TPD52L1: variants seen among roughly 807,000 people sequenced by gnomAD.
TPD52L1 encodes tumor protein D53.
A neutral mutation model predicts 28.7 loss-of-function variants in TPD52L1; 18 were observed. The ratio of observed to expected loss-of-function variants is 0.63; its 90% CI spans 0.43 to 0.93. The LOEUF (loss-of-function observed/expected upper bound fraction) is 0.93, where lower values mean the gene tolerates loss of function less well. TPD52L1 is among the 40% of genes least tolerant of loss of function. The pLI is 0.00. For missense variants in TPD52L1, 203 were observed against 254.8 expected (o/e 0.80, Z 1.39); for synonymous variants, 75 against 88.8 (o/e 0.84, Z 0.88).
intron 1 of TPD52L1, among the ~76,000 whole-genome samples, chr6:125,188,636 C>A (rs925319437): frequency 5.0e-4 from 76 of 152,150 alleles, no homozygotes; most frequent in African/African-American, 1.8e-3. Context: ...CCAAACAATT[C>A]CTACTCTCTT....
chr6:125,211,015 AC>A (rs1562291519), intron 1 of TPD52L1, among the ~76,000 whole-genome samples: 1 of 152,184 alleles, frequency 6.6e-6, no homozygotes, highest in Non-Finnish European at 1.5e-5. Flanking sequence ...ATTCTGCAGG[AC>A]AGAGCCAGGA....
At chr6:125,252,043 G>A (rs552334141) in intron 4 of TPD52L1, 16 of 1,536,018 alleles carry the variant, frequency 1.0e-5, no homozygotes, top group African/African-American at 9.6e-5. Context: ...TCGGGTAAGC[G>A]CCACAGGGCT....
At chr6:125,228,055 A>G (rs1369597804) in intron 2 of TPD52L1, among the ~76,000 whole-genome samples, 1 of 152,236 alleles carries the variant, frequency 6.6e-6, no homozygotes, top group Non-Finnish European at 1.5e-5. Flanking sequence ...ACCATTGATA[A>G]TGCAGCAACA....
chr6:125,262,860 T>C lies in TPD52L1; in HGVS notation c.513T>C (p.Asn171=), dbSNP rs573282938. ...CGAAAGTAGGCGGTACGAACCCTAA[T>C]GGAGGCAGTTTTGAGGAGGTCCTCA... is the stretch of plus-strand genomic sequence containing the variant. ...LKTKVGGTNP[N]GGSFEEVLSS... Residue 171 remains asparagine (N), a synonymous_variant, in exon 7 of 7, where the codon AAT becomes AAC. Transcript: ENST00000534000. 4 of 1,614,228 alleles carry C rather than the reference T, an allele frequency of 2.5e-6. No homozygotes were observed. The African/African-American group carries it at 4.0e-5, about 16-fold the overall frequency.
chr6:125,154,477 C>A (rs1432767995), intron 1 of TPD52L1: 1 of 985,712 alleles, frequency 1.0e-6, no homozygotes, highest in African/African-American at 1.7e-5. Context: ...CTCGGGGACC[C>A]GCCTTCCGAG....
intron 1 of TPD52L1, chr6:125,154,577 T>C: frequency 4.1e-6 from 4 of 976,828 alleles, no homozygotes; most frequent in Non-Finnish European, 4.9e-6. Context: ...CTGCCTCCCG[T>C]GGCGCGCGGG....
rs1204320847 is a variant in TPD52L1, at chr6:125,257,155, C to G, written c.483C>G (p.Leu161=). 1.2e-6 allele frequency: 2 copies of G among 1,611,208 alleles called. No homozygotes were observed. The highest frequency in any genetic ancestry group is 2.2e-5 in the South Asian group (2 of 90,702). The change falls in exon 6 of 7, where the codon CTC becomes CTG. Residue 161 remains leucine (L), a synonymous_variant. Transcript: ENST00000534000. ...EERVETTVTS[L]KTKVGGTNPN... is the part of the protein sequence containing the mutation. ...GGGTTGAGACAACTGTCACAAGCCT[C>G]AAGGTACAGATGAAGTGAATTCTGT...
At chr6:125,240,099 A>G (rs1796528803) in intron 3 of TPD52L1, among the ~76,000 whole-genome samples, 1 of 151,828 alleles carries the variant, frequency 6.6e-6, no homozygotes, top group Non-Finnish European at 1.5e-5. Flanking sequence ...TCCCCACTTT[A>G]TGTTTTTGTT....
At chr6:125,223,393 G>A (rs1795383358) in intron 2 of TPD52L1, among the ~76,000 whole-genome samples, 1 of 152,024 alleles carries the variant, frequency 6.6e-6, no homozygotes, top group Non-Finnish European at 1.5e-5. Flanking sequence ...CTTACATCTT[G>A]GACAAATTCA....
intron 2 of TPD52L1, among the ~76,000 whole-genome samples, chr6:125,220,539 G>T (rs1171060068): frequency 1.3e-5 from 2 of 152,162 alleles, no homozygotes; most frequent in Admixed American, 6.5e-5. Flanking sequence ...TGTTATAGGT[G>T]CAAGATCCTT....
chr6:125,253,117 GAA>G (rs1410789164), intron 4 of TPD52L1: 3 of 152,348 alleles, frequency 2.0e-5, no homozygotes, highest in Non-Finnish European at 4.4e-5. Flanking sequence ...AAATTCTCAG[GAA>G]TGTTTGTGTT....
intron 2 of TPD52L1, among the ~76,000 whole-genome samples, chr6:125,220,980 C>T (rs1336467945): frequency 6.6e-6 from 1 of 152,186 alleles, no homozygotes; most frequent in Non-Finnish European, 1.5e-5. Flanking sequence ...CAGGAAGATC[C>T]TGTTCCCACA....
intron 1 of TPD52L1, among the ~76,000 whole-genome samples, chr6:125,175,931 T>G (rs986257868): frequency 6.6e-6 from 1 of 152,250 alleles, no homozygotes; most frequent in Non-Finnish European, 1.5e-5. Context: ...GATATGCAGC[T>G]GAGCCATATG....
At chr6:125,212,071 G>A (rs1488741464) in intron 1 of TPD52L1, among the ~76,000 whole-genome samples, 2 of 151,934 alleles carry the variant, frequency 1.3e-5, no homozygotes, top group Non-Finnish European at 2.9e-5. Flanking sequence ...TTTTCACTTG[G>A]GGAATACATG....
intron 1 of TPD52L1, among the ~76,000 whole-genome samples, chr6:125,172,205 CTT>C (rs1562212390): frequency 1.1e-4 from 11 of 98,956 alleles, no homozygotes; most frequent in Admixed American, 2.2e-4. Flanking sequence ...TTCTTTCTTT[CTT>C]CTTTCTTTCT....
At chr6:125,156,848 G>A (rs1295590336) in intron 1 of TPD52L1, among the ~76,000 whole-genome samples, 19 of 152,164 alleles carry the variant, frequency 1.2e-4, no homozygotes, top group African/African-American at 2.4e-5. Context: ...AAGGAGGGCA[G>A]TGTCAAGGAT....
intron 1 of TPD52L1, among the ~76,000 whole-genome samples, chr6:125,181,360 C>T (rs934387404): frequency 6.6e-6 from 1 of 152,046 alleles, no homozygotes; most frequent in Non-Finnish European, 1.5e-5. Flanking sequence ...GAAACATTTA[C>T]GCCAGGATAC....
intron 4 of TPD52L1, among the ~76,000 whole-genome samples, chr6:125,251,273 T>C (rs766776079): frequency 2.0e-5 from 3 of 152,194 alleles, no homozygotes; most frequent in Admixed American, 2.0e-4. Flanking sequence ...TCTACATTTT[T>C]ATTAGTTACA....
intron 1 of TPD52L1, among the ~76,000 whole-genome samples, chr6:125,216,829 G>A (rs1022621718): frequency 6.6e-6 from 1 of 151,930 alleles, no homozygotes; most frequent in African/African-American, 2.4e-5. Context: ...TTACCGTGTT[G>A]GCAGTGACAT....
Sources: allele counts gnomAD v4.1 joint callset (sites outside exome capture counted in the v4.1 genomes callset), GRCh38; gene constraint gnomAD v4.1.1; transcripts MANE v1.5; gene names NCBI Gene and HGNC (gene_info 2026-07-23, HGNC 2026-07-21).